The following ERICH1 variants were observed in gnomAD, a reference collection of about 807,000 sequenced individuals.
ERICH1 encodes the protein glutamate-rich protein 1.
A neutral mutation model predicts 39.6 loss-of-function variants in ERICH1; 56 were observed. That is an observed-to-expected ratio of 1.41 (90% CI 1.14 to 1.77). The LOEUF is 1.77. ERICH1 is among the 40% of genes most tolerant of loss of function. The pLI, the probability that ERICH1 is intolerant of heterozygous loss-of-function variation, is 0.00. For synonymous variants in ERICH1, 313 were observed against 223.6 expected, an observed-to-expected ratio of 1.40 and a Z score of -3.57; for missense variants, 826 against 575.4, an observed-to-expected ratio of 1.44 and a Z score of -4.45.
At chr8:684,668 G>C (rs572205323) in intron 3 of ERICH1, among the ~76,000 whole-genome samples, 3 of 152,174 alleles carry the variant, frequency 2.0e-5, no homozygotes, top group South Asian at 4.2e-4. Context: ...TTTCAACATA[G>C]GTTCTTTTCT....
intron 3 of ERICH1, among the ~76,000 whole-genome samples, chr8:641,558 T>C (rs1323085072): frequency 6.6e-6 from 1 of 152,240 alleles, no homozygotes. Flanking sequence ...TCATTCCACA[T>C]CGAAAGACCT....
At chr8:713,032 A>G (rs932524832) in intron 2 of ERICH1, among the ~76,000 whole-genome samples, 1 of 152,260 alleles carries the variant, frequency 6.6e-6, no homozygotes, top group African/African-American at 2.4e-5. Context: ...GGCCAAGGTC[A>G]TAGTCTCAGC....
intron 1 of ERICH1, among the ~76,000 whole-genome samples, chr8:730,349 T>C (rs1051231248): frequency 2.0e-5 from 3 of 152,220 alleles, no homozygotes; most frequent in Non-Finnish European, 4.4e-5. Flanking sequence ...TAGTTTGCCA[T>C]TATCTTTTCA....
intron 2 of ERICH1, among the ~76,000 whole-genome samples, chr8:710,537 C>T (rs769475308): frequency 3.3e-5 from 5 of 152,326 alleles, no homozygotes; most frequent in African/African-American, 7.2e-5. Context: ...CTGGGCTCCA[C>T]CTGCTCCTCC....
chr8:715,934 C>G lies in ERICH1; in HGVS notation c.96G>C (p.Thr32=), dbSNP rs372926675. ...PSGQGKREPQ[T]LAVQNPPKKV... is the part of the protein sequence containing the mutation. ...TCTTTGGTGGATTTTGGACGGCCAGCGTCTGGGGTTCCCTCTTTCCTTGGC... is the reference window on the plus strand; with the variant it reads ...TCTTTGGTGGATTTTGGACGGCCAGGGTCTGGGGTTCCCTCTTTCCTTGGC... Residue 32 remains threonine, a synonymous_variant, in exon 2 of 6, where the codon ACG becomes ACC. Coordinates refer to ENST00000262109, the MANE Select transcript of ERICH1 (RefSeq NM_207332.3). 6.2e-6 allele frequency: 10 copies of G among 1,613,802 alleles called. No homozygotes were observed. The Middle Eastern group carries it at 4.9e-4, about 80-fold the overall frequency.
intron 3 of ERICH1, among the ~76,000 whole-genome samples, chr8:647,593 C>G (rs1168365491): frequency 1.5e-5 from 1 of 67,522 alleles, no homozygotes; most frequent in African/African-American, 3.9e-5. Context: ...GAAGATAGTA[C>G]AGTGGGTCTG....
At chr8:654,119 A>G (rs1800317211) in intron 3 of ERICH1, among the ~76,000 whole-genome samples, 2 of 152,256 alleles carry the variant, frequency 1.3e-5, no homozygotes, top group African/African-American at 2.4e-5. Flanking sequence ...TAAATTTTAC[A>G]GTATGTGTAT....
At chr8:639,393 A>G (rs1336203834) in intron 3 of ERICH1, among the ~76,000 whole-genome samples, 1 of 152,238 alleles carries the variant, frequency 6.6e-6, no homozygotes, top group Non-Finnish European at 1.5e-5. Flanking sequence ...ATCTTCCTAG[A>G]AGAAGTGATA....
At chr8:637,078 C>T (rs1464977703) in intron 3 of ERICH1, among the ~76,000 whole-genome samples, 1 of 152,274 alleles carries the variant, frequency 6.6e-6, no homozygotes, top group African/African-American at 2.4e-5. Flanking sequence ...ACCAGGGCTG[C>T]TTCCTGTTGC....
chr8:712,675 G>C lies in ERICH1; in HGVS notation c.169+3186C>G, dbSNP rs765873184. 6.6e-5 allele frequency among the ~76,000 whole-genome samples: 10 copies of C among 152,278 alleles called. No individual in the cohort carries two copies. The East Asian group carries it at 1.7e-3, about 26-fold the overall frequency. On this transcript the variant is annotated intron_variant, in intron 2 of 5. Transcript: ENST00000262109. ...GATGGTCTCAATCTCCTGACCCTGT[G>C]ATCCGCCCACCTTGGCCTCCCAAAG...
chr8:655,475 A>C (rs1277789163), intron 3 of ERICH1, among the ~76,000 whole-genome samples: 1 of 152,172 alleles, frequency 6.6e-6, no homozygotes, highest in Non-Finnish European at 1.5e-5. Context: ...CGTGTTCTGG[A>C]CGATGGTGCA....
At chr8:622,628 A>C (rs336426) in intron 3 of ERICH1, among the ~76,000 whole-genome samples, 1 of 151,984 alleles carries the variant, frequency 6.6e-6, no homozygotes, top group Non-Finnish European at 1.5e-5. Flanking sequence ...TGAAAACCCA[A>C]GCCAGACAGC....
chr8:688,857 C>T (rs1585325428), intron 3 of ERICH1, among the ~76,000 whole-genome samples: 1 of 152,236 alleles, frequency 6.6e-6, no homozygotes, highest in South Asian at 2.1e-4. Context: ...TTCATAAGAA[C>T]AAAATATTTT....
chr8:725,084 T>C (rs1326090912), intron 1 of ERICH1: 1 of 169,962 alleles, frequency 5.9e-6, no homozygotes, highest in African/African-American at 2.4e-5. Flanking sequence ...CCCTCCGGCT[T>C]CCTGTCTGCT....
At chr8:629,269 G>A (rs916219514) in intron 3 of ERICH1, among the ~76,000 whole-genome samples, 1 of 151,920 alleles carries the variant, frequency 6.6e-6, no homozygotes, top group African/African-American at 2.4e-5. Flanking sequence ...ACACACAGAT[G>A]ACCAACTACA....
At chr8:655,704 CTTCT>C (rs1287375584) in intron 3 of ERICH1, among the ~76,000 whole-genome samples, 19 of 147,196 alleles carry the variant, frequency 1.3e-4, no homozygotes, top group African/African-American at 4.6e-4. Context: ...TCCTTCCTTC[CTTCT>C]TTCCTTCCTC....
intron 2 of ERICH1, among the ~76,000 whole-genome samples, chr8:713,783 C>T (rs1441181592): frequency 2.6e-5 from 4 of 152,136 alleles, no homozygotes; most frequent in African/African-American, 7.2e-5. Context: ...CCAGAGACCA[C>T]GCAGCTCTCA....
intron 2 of ERICH1, among the ~76,000 whole-genome samples, chr8:699,920 C>A (rs1225927935): frequency 7.2e-6 from 1 of 138,884 alleles, no homozygotes; most frequent in African/African-American, 2.7e-5. Flanking sequence ...GGCGCACAGG[C>A]CCGCACAGGC....
At chr8:711,558 G>A (rs991090726) in intron 2 of ERICH1, among the ~76,000 whole-genome samples, 2 of 151,790 alleles carry the variant, frequency 1.3e-5, no homozygotes, top group African/African-American at 2.4e-5. Context: ...GACTGCAGTG[G>A]CAACATCTCA....
Sources: allele counts gnomAD v4.1 joint callset (sites outside exome capture counted in the v4.1 genomes callset), GRCh38; gene constraint gnomAD v4.1.1; transcripts MANE v1.5; gene names NCBI Gene and HGNC (gene_info 2026-07-23, HGNC 2026-07-21).